Variants in IGF2BP2 observed in about 807,000 individuals in gnomAD.
IGF2BP2 encodes the protein insulin like growth factor 2 mRNA binding protein 2, also known as insulin-like growth factor 2 mRNA-binding protein 2.
IGF2BP2 carries 17 observed loss-of-function variants against 75.8 expected under a neutral mutation model. That is an observed-to-expected ratio of 0.22 (90% CI 0.15 to 0.34). The LOEUF (loss-of-function observed/expected upper bound fraction) is 0.34. Among genes scored for constraint, IGF2BP2 ranks in the 10% least tolerant of loss-of-function variants. The pLI is 1.00. For missense variants in IGF2BP2, 516 were observed against 772.4 expected (o/e 0.67, Z 3.93); for synonymous variants, 288 against 295.6 (o/e 0.97, Z 0.26).
At chr3:185,801,858 C>T (rs992542397) in intron 2 of IGF2BP2, among the ~76,000 whole-genome samples, 1 of 152,030 alleles carries the variant, frequency 6.6e-6, no homozygotes, top group Non-Finnish European at 1.5e-5. Context: ...GAGTTCATAT[C>T]CTTTGCAGGG....
At chr3:185,784,557 C>G (rs1735622016) in intron 2 of IGF2BP2, among the ~76,000 whole-genome samples, 1 of 152,248 alleles carries the variant, frequency 6.6e-6, no homozygotes, top group South Asian at 2.1e-4. Context: ...CTGGGTACTA[C>G]TGCATCAGCA....
At chr3:185,786,827 C>T (rs1229779936) in intron 2 of IGF2BP2, among the ~76,000 whole-genome samples, 2 of 152,166 alleles carry the variant, frequency 1.3e-5, no homozygotes, top group Non-Finnish European at 2.9e-5. Flanking sequence ...ATTAGATCTA[C>T]AGCAGGGGTC....
chr3:185,792,368 G>T (rs1458080003), intron 2 of IGF2BP2, among the ~76,000 whole-genome samples: 1 of 152,202 alleles, frequency 6.6e-6, no homozygotes. Context: ...ACTTTGGGAG[G>T]CTGAGGCAAT....
At chr3:185,697,718 A>G (rs895140225) in intron 3 of IGF2BP2, among the ~76,000 whole-genome samples, 4 of 152,202 alleles carry the variant, frequency 2.6e-5, no homozygotes, top group Admixed American at 2.0e-4. Context: ...ATAATCTGGA[A>G]AGATAAAAAT....
intron 10 of IGF2BP2, among the ~76,000 whole-genome samples, chr3:185,668,315 T>A (rs930194199): frequency 6.6e-6 from 1 of 152,166 alleles, no homozygotes; most frequent in African/African-American, 2.4e-5. Flanking sequence ...TACAGCATAA[T>A]TTCATTTGTA....
chr3:185,790,333 C>T (rs904748217), intron 2 of IGF2BP2, among the ~76,000 whole-genome samples: 1 of 152,166 alleles, frequency 6.6e-6, no homozygotes, highest in African/African-American at 2.4e-5. Context: ...TAATTTTTAT[C>T]TTAAAAGTGC....
chr3:185,682,129 G>A (rs1254863420), intron 7 of IGF2BP2, among the ~76,000 whole-genome samples: 2 of 152,176 alleles, frequency 1.3e-5, no homozygotes, highest in African/African-American at 2.4e-5. Flanking sequence ...GTCAACCCAT[G>A]GGATGGGAGA....
chr3:185,755,672 T>C (rs544271491), intron 2 of IGF2BP2, among the ~76,000 whole-genome samples: 51 of 152,342 alleles, frequency 3.3e-4, no homozygotes, highest in African/African-American at 1.2e-3. Flanking sequence ...GAGTTAAGGA[T>C]TACATTGGAG....
At chr3:185,761,774 CA>C (rs1732402377) in intron 2 of IGF2BP2, among the ~76,000 whole-genome samples, 2 of 152,192 alleles carry the variant, frequency 1.3e-5, no homozygotes, top group South Asian at 4.1e-4. Context: ...TCCATTGCAA[CA>C]AAAACACTTT....
intron 12 of IGF2BP2, among the ~76,000 whole-genome samples, chr3:185,655,193 G>A (rs576014691): frequency 3.3e-5 from 5 of 152,296 alleles, no homozygotes; most frequent in Non-Finnish European, 5.9e-5. Context: ...GTGCAATGGC[G>A]TGATCTCGGC....
At chr3:185,771,869 T>C (rs1733921560) in intron 2 of IGF2BP2, among the ~76,000 whole-genome samples, 2 of 152,286 alleles carry the variant, frequency 1.3e-5, no homozygotes, top group East Asian at 1.9e-4. Context: ...TTTTTGAGGC[T>C]ATGCAGCTCA....
intron 9 of IGF2BP2, among the ~76,000 whole-genome samples, chr3:185,673,535 G>C (rs957725880): frequency 2.0e-5 from 3 of 152,134 alleles, no homozygotes; most frequent in Non-Finnish European, 1.5e-5. Context: ...ACATGGGGAT[G>C]GTCACACAGA....
At chr3:185,649,357 C>T (rs373131894) in intron 14 of IGF2BP2, 46 bp downstream of exon 14, 65 of 1,605,228 alleles carry the variant, frequency 4.0e-5, no homozygotes, top group African/African-American at 8.0e-5. Context: ...AAGGCCAGAG[C>T]GGGGAATCTG....
intron 2 of IGF2BP2, among the ~76,000 whole-genome samples, chr3:185,705,518 A>T (rs1364638221): frequency 2.0e-5 from 3 of 152,170 alleles, no homozygotes; most frequent in Non-Finnish European, 4.4e-5. Context: ...CTTCCTGGGC[A>T]ATTCAGAGAC....
intron 2 of IGF2BP2, among the ~76,000 whole-genome samples, chr3:185,765,486 TCCCACACTG>T (rs537968339): frequency 1.5e-3 from 226 of 152,136 alleles, no homozygotes; most frequent in African/African-American, 5.3e-3. Flanking sequence ...CCCCCCTTGA[TCCCACACTG>T]CCCTCCTTCA....
chr3:185,672,956 A>G (rs1718760172), intron 9 of IGF2BP2, among the ~76,000 whole-genome samples: 1 of 151,924 alleles, frequency 6.6e-6, no homozygotes, highest in African/African-American at 2.4e-5. Context: ...CTAACCCTTC[A>G]TCTCCAACCT....
At chr3:185,734,201 CAT>C (rs1728559827) in intron 2 of IGF2BP2, among the ~76,000 whole-genome samples, 1 of 152,188 alleles carries the variant, frequency 6.6e-6, no homozygotes, top group Non-Finnish European at 1.5e-5. Context: ...AGCATCTGCA[CAT>C]AGTTACATAG....
intron 2 of IGF2BP2, among the ~76,000 whole-genome samples, chr3:185,732,422 A>G (rs1190614411): frequency 1.3e-5 from 2 of 152,204 alleles, no homozygotes; most frequent in Non-Finnish European, 2.9e-5. Flanking sequence ...GATTTTTAGT[A>G]TTTCTCAGTA....
chr3:185,692,565 G>T, intron 5 of IGF2BP2, 134 bp downstream of exon 5: 3 of 719,770 alleles, frequency 4.2e-6, no homozygotes, highest in South Asian at 3.7e-5. Flanking sequence ...GAGCTCCATG[G>T]GTATGTCAAA....
Sources: allele counts gnomAD v4.1 joint callset (sites outside exome capture counted in the v4.1 genomes callset), GRCh38; gene constraint gnomAD v4.1.1; transcripts MANE v1.5; gene names NCBI Gene and HGNC (gene_info 2026-07-23, HGNC 2026-07-21).